The following INTS2 variants were observed in gnomAD, a reference collection of about 807,000 sequenced individuals.
The protein encoded by INTS2 is integrator complex subunit 2.
INTS2 carries 57 observed loss-of-function variants against 139.6 expected under a neutral mutation model. The ratio of observed to expected loss-of-function variants is 0.41; its 90% CI spans 0.33 to 0.51. The LOEUF (loss-of-function observed/expected upper bound fraction) is 0.51, where lower values mean the gene tolerates loss of function less well. Ranked by LOEUF, INTS2 falls within the 20% of genes least tolerant of loss-of-function variation. The probability of loss-of-function intolerance (pLI) is 0.28; values close to 1 mark genes in which losing one functional copy is unlikely to be tolerated. For synonymous variants in INTS2, 473 were observed against 493.4 expected (o/e 0.96, Z 0.55); for missense variants, 1,196 against 1,436.7 (o/e 0.83, Z 2.71).
intron 9 of INTS2, among the ~76,000 whole-genome samples, chr17:61,900,993 G>A (rs1201457020): frequency 6.6e-6 from 1 of 152,072 alleles, no homozygotes; most frequent in African/African-American, 2.4e-5. Flanking sequence ...AATTAATATT[G>A]GCTGGGTGTG....
At chr17:61,915,340 A>AT (rs1283900368) in intron 5 of INTS2, among the ~76,000 whole-genome samples, 10 of 136,534 alleles carry the variant, frequency 7.3e-5, no homozygotes, top group East Asian at 3.1e-4. Context: ...TCCGTCTCAA[A>AT]AAAATAAATA....
chr17:61,884,210 G>A (rs1477402096), intron 16 of INTS2, among the ~76,000 whole-genome samples: 2 of 152,134 alleles, frequency 1.3e-5, no homozygotes, highest in Admixed American at 1.3e-4. Context: ...GGCAGGGGAG[G>A]CCGGGCATGG....
At position 61,869,585 on chromosome 17, in the gene INTS2, AC is replaced by A. The variant is rs2079072720; in HGVS notation, c.3030+151del. On this transcript the variant is annotated intron_variant, in intron 21 of 24. Transcript: ENST00000251334. This position sits in a 1 kb window ranked among gnomAD's most constrained non-coding sequence, Gnocchi z 5.4. ...ACATTTCATTAGGTTAAAAAAAAAA[AC>A]AACTAAAAATCTGGATTTTTCTCCA... 6.6e-6 allele frequency among the ~76,000 whole-genome samples: 1 copy of A among 152,022 alleles called. No individual in the cohort carries two copies.
chr17:61,923,067 ACT>A (rs1432334563), intron 3 of INTS2, among the ~76,000 whole-genome samples: 2 of 152,076 alleles, frequency 1.3e-5, no homozygotes, highest in Non-Finnish European at 2.9e-5. Context: ...CAAGAGCGAA[ACT>A]CTGTCTCAAA....
chr17:61,921,722 T>G lies in INTS2; in HGVS notation c.535+3A>C, dbSNP rs1036430491. ...AAATCCATCTTAGCACTCAGTACAG[T>G]ACCTGCTTGTAAAATACAAAGTACA... On this transcript the variant is annotated splice_donor_region_variant and intron_variant, in intron 4 of 24. Coordinates refer to ENST00000251334, the MANE Select transcript of INTS2 (RefSeq NM_001351695.2). 5.9e-6 allele frequency: 9 copies of G among 1,513,412 alleles called. No homozygotes were observed. In the African/African-American group the frequency reaches 1.1e-4, roughly 19 times the overall value. The allele number at this position is 1,513,412 out of a possible 1,614,324, so 93.7% of individuals were successfully genotyped here.
In INTS2 at chr17:61,880,990, T is replaced by C. The variant is rs779127396; in HGVS notation, c.2254+17A>G. On this transcript the variant is annotated intron_variant, in intron 17 of 24. Transcript: ENST00000251334. ...TACTACAAAAGGGGTTAAAGGAGTA[T>C]CAATAATTTACTATACCTTCTTGGA... is the stretch of plus-strand genomic sequence containing the variant. 4.4e-6 allele frequency: 7 copies of C among 1,598,576 alleles called. No individual in the cohort carries two copies. The highest frequency in any genetic ancestry group is 6.0e-6 in the Non-Finnish European group (7 of 1,166,626).
At position 61,891,526 on chromosome 17, in the gene INTS2, T is replaced by C. The variant is rs374351015; in HGVS notation, c.1862A>G (p.Gln621Arg). The C allele has an allele frequency of 9.3e-6, 15 of 1,613,004 alleles. No homozygotes were observed. The highest frequency in any genetic ancestry group is 1.3e-5 in the Non-Finnish European group (15 of 1,179,414). ...VTEQEILNIF[Q>R]GVIGGDNIRL... ...CCACTATTTTACCCCAATGACTCCT[T>C]GGAAAATATTGAGTATCTCCTGTTC... The change falls in exon 14 of 25, where the codon CAA becomes CGA. Residue 621 changes from glutamine (Q) to arginine (R), a missense_variant. Gln to Arg is a conservative substitution (Grantham distance 43). Coordinates refer to ENST00000251334, the MANE Select transcript of INTS2 (RefSeq NM_001351695.2).
At chr17:61,891,312 CA>C (rs888266839) in intron 14 of INTS2, among the ~76,000 whole-genome samples, 200 bp downstream of exon 14, 54 of 146,160 alleles carry the variant, frequency 3.7e-4, no homozygotes, top group Non-Finnish European at 4.8e-4. Context: ...AACTCCATCT[CA>C]AAAAAAAAAG....
intron 9 of INTS2, among the ~76,000 whole-genome samples, chr17:61,898,011 T>C (rs8081917): frequency 0.17 from 25,988 of 152,094 alleles, 2,585 homozygotes; most frequent in East Asian, 0.53. Context: ...AGTAAGATTC[T>C]TCACATTCCT....
In INTS2 at chr17:61,919,515, T is replaced by C; in HGVS notation, c.536-2A>G. 1.3e-6 allele frequency: 2 copies of C among 1,515,506 alleles called. No individual in the cohort carries two copies. The highest frequency in any genetic ancestry group is 1.8e-6 in the Non-Finnish European group (2 of 1,102,452). 93.9% of individuals were successfully genotyped at this position (1,515,506 alleles called of 1,614,324 possible). A position where few individuals can be genotyped will look rare whatever the true frequency, so the allele number is the denominator to read the frequency against. On this transcript the variant is annotated splice_acceptor_variant, in intron 4 of 24. Transcript: ENST00000251334. LOFTEE classifies it high-confidence loss of function. ...CTATAGGGAGCAAGGAAGGGAGCTC[T>C]ACAAGAAAACAAAGTCAGTGTTAGT...
At position 61,922,511 on chromosome 17, in the gene INTS2, C is replaced by CATATATATATATATAT. The variant is rs60100593; in HGVS notation, c.433-700_433-685dup. Among the ~76,000 whole-genome samples, 427 of 72,966 alleles carry CATATATATATATATAT rather than the reference C, an allele frequency of 5.9e-3. 15 individuals are homozygous for CATATATATATATATAT. Among genetic ancestry groups the CATATATATATATATAT allele is most frequent in the East Asian group, 8.8e-3 (15 of 1,710 alleles). The allele number at this position is 72,966 out of a possible 152,430, so 47.9% of individuals were successfully genotyped here. On this transcript the variant is annotated intron_variant, in intron 3 of 24. Coordinates refer to ENST00000251334, the MANE Select transcript of INTS2 (RefSeq NM_001351695.2). ...AAAAAGAAAAAAGAAAACAAACAAA[C>CATATATATATATATAT]ATATATATATATATATATATATATA... is the stretch of plus-strand genomic sequence containing the variant.
rs200098094 is a variant in INTS2 at position 61,887,922 on chromosome 17, C to T, written c.1984+1864G>A. Among the ~76,000 whole-genome samples, 138 of 151,808 alleles carry T rather than the reference C, an allele frequency of 9.1e-4. 1 individual carries two copies. The highest frequency in any genetic ancestry group is 2.7e-3 in the African/African-American group (110 of 41,362). ...ACAAAAATTAGCCAGGAATGTGGTA[C>T]GCACCTGTAATCCCAGCTATTCAGG... On this transcript the variant is annotated intron_variant, in intron 15 of 24. Transcript: ENST00000251334.
Position 61,897,538 on chromosome 17 carries a change from C to T in INTS2, c.1425G>A (p.Val475=). The T allele has an allele frequency of 6.2e-7, 1 of 1,604,860 alleles. No individual in the cohort carries two copies. The highest frequency in any genetic ancestry group is 8.5e-7 in the Non-Finnish European group (1 of 1,175,570). Residue 475 remains valine, a synonymous_variant, in exon 11 of 25, where the codon GTG becomes GTA. Transcript: ENST00000251334. This position sits in a 1 kb window ranked among gnomAD's most constrained non-coding sequence, Gnocchi z 4.4. Reference sequence around the variant, plus strand: ...GCTGGTTGCTGTGAAAGTACATAGCCACCAATAATAACATCTCCCCAAAAG... The same window carrying T: ...GCTGGTTGCTGTGAAAGTACATAGCTACCAATAATAACATCTCCCCAAAAG... The part of the protein sequence containing the change: ...SASFGEMLLL[V]AMYFHSNQLS...
In INTS2 at chr17:61,867,568, T is replaced by G. The variant is rs765595177; in HGVS notation, c.3580A>C (p.Ser1194Arg). 11 of 1,599,148 alleles carry G rather than the reference T, an allele frequency of 6.9e-6. No homozygotes were observed. The change falls in exon 25 of 25, where the codon AGT becomes CGT. Residue 1194 changes from serine (S) to arginine (R), a missense_variant. By Grantham distance (110) the Ser-to-Arg change is moderately radical. Transcript: ENST00000251334. This position sits in a 1 kb window ranked among gnomAD's most constrained non-coding sequence, Gnocchi z 5.6. ...TVIEIINMSVSGI is the reference protein window; with the variant it reads ...TVIEIINMSVRGI Reference sequence around the variant, plus strand: ...TTTTAAATTTTGTTTTAAATTCCACTAACACTCATATTTATTATTTCAATT... The same window carrying G: ...TTTTAAATTTTGTTTTAAATTCCACGAACACTCATATTTATTATTTCAATT...
rs531949556 is a variant in INTS2 at position 61,883,343 on chromosome 17, T to A, written c.2089+1558A>T. On this transcript the variant is annotated intron_variant, in intron 16 of 24. Coordinates refer to ENST00000251334, the MANE Select transcript of INTS2 (RefSeq NM_001351695.2). ...GCCTAACCAACATGATGAAACCACATCTCTACTTAAAAAAAAAAAAAGATT... is the reference window on the plus strand; with the variant it reads ...GCCTAACCAACATGATGAAACCACAACTCTACTTAAAAAAAAAAAAAGATT... Among the ~76,000 whole-genome samples, 9 of 144,070 alleles carry A rather than the reference T, an allele frequency of 6.2e-5. No individual in the cohort carries two copies. The South Asian group carries it at 8.8e-4, about 14-fold the overall frequency. The allele number at this position is 144,070 out of a possible 152,430, so 94.5% of individuals were successfully genotyped here. A position where few individuals can be genotyped will look rare whatever the true frequency, so the allele number is the denominator to read the frequency against.
At position 61,876,319 on chromosome 17, in the gene INTS2, C is replaced by T. The variant is rs1214745539; in HGVS notation, c.2457-1281G>A. On this transcript the variant is annotated intron_variant, in intron 18 of 24. Coordinates refer to ENST00000251334, the MANE Select transcript of INTS2 (RefSeq NM_001351695.2). This position sits in a 1 kb window ranked among gnomAD's most constrained non-coding sequence, Gnocchi z 4.1. The stretch of plus-strand genomic sequence containing the variant: ...TCAGGAAGCGAGATGAGTGTGTGTT[C>T]CATTCACTAAAACGAGGATATAAAC... Among the ~76,000 whole-genome samples the T allele has an allele frequency of 6.6e-6, 1 of 152,026 alleles. No homozygotes were observed. The highest frequency in any genetic ancestry group is 1.9e-4 in the East Asian group (1 of 5,192).
At chr17:61,886,298 G>A (rs2079228319) in intron 15 of INTS2, among the ~76,000 whole-genome samples, 1 of 152,130 alleles carries the variant, frequency 6.6e-6, no homozygotes, top group Admixed American at 6.6e-5. Flanking sequence ...TGATCCACCA[G>A]CCCCAGCATT....
chr17:61,899,401 C>A (rs1201570162), intron 9 of INTS2, among the ~76,000 whole-genome samples: 1 of 152,056 alleles, frequency 6.6e-6, no homozygotes, highest in African/African-American at 2.4e-5. Context: ...CAGGTGCCCA[C>A]CAACACACCC....
At chr17:61,904,325 A>C (rs2079438690) in intron 9 of INTS2, 135 bp downstream of exon 9, 1 of 645,998 alleles carries the variant, frequency 1.5e-6, no homozygotes, top group Non-Finnish European at 2.6e-6. Flanking sequence ...TAAAAATTGG[A>C]AAAAACAAAA....
Sources: gnomAD v4.1 joint callset for allele counts (sites outside exome capture counted in the v4.1 genomes callset) on GRCh38, gnomAD v4.1.1 for gene constraint, Gnocchi (gnomAD v3.1) non-coding constraint, MANE v1.5 for transcripts, NCBI Gene and HGNC (gene_info 2026-07-23, HGNC 2026-07-21) for gene names.